Variants in HPGDS observed in about 807,000 individuals in gnomAD.
HPGDS encodes hematopoietic prostaglandin D synthase, also known as GST class-sigma.
A neutral mutation model predicts 23.1 loss-of-function variants in HPGDS; 26 were observed. That is an observed-to-expected ratio of 1.13 (90% CI 0.83 to 1.56). The LOEUF is 1.56. Ranked by LOEUF, HPGDS falls within the 40% of genes most tolerant of loss-of-function variation. The probability of loss-of-function intolerance (pLI) is 0.00; values close to 1 mark genes in which losing one functional copy is unlikely to be tolerated. For missense variants in HPGDS, 268 were observed against 236.4 expected (o/e 1.13, Z -0.88); for synonymous variants, 95 against 77.9 (o/e 1.22, Z -1.16).
At chr4:94,316,310 C>G (rs1019190730) in intron 3 of HPGDS, among the ~76,000 whole-genome samples, 2 of 152,240 alleles carry the variant, frequency 1.3e-5, no homozygotes, top group South Asian at 4.2e-4. Flanking sequence ...TATGCTGTTC[C>G]TCTCCTGGTT....
intron 2 of HPGDS, among the ~76,000 whole-genome samples, chr4:94,319,437 C>T (rs1422404124): frequency 1.3e-5 from 2 of 152,160 alleles, no homozygotes; most frequent in African/African-American, 4.8e-5. Context: ...TTGTAGGCAG[C>T]AGATAGTTGG....
chr4:94,319,132 G>A (rs1350469683), intron 2 of HPGDS, among the ~76,000 whole-genome samples: 1 of 152,168 alleles, frequency 6.6e-6, no homozygotes, highest in African/African-American at 2.4e-5. Flanking sequence ...ACAGGGAAGT[G>A]TTGACATCTC....
chr4:94,334,106 C>A, intron 2 of HPGDS: 1 of 157,032 alleles, frequency 6.4e-6, no homozygotes, highest in Non-Finnish European at 1.4e-5. Flanking sequence ...ATAGCTTGAG[C>A]CTGGTATTAA....
chr4:94,340,876 G>T (rs1264128525), intron 1 of HPGDS, among the ~76,000 whole-genome samples: 21 of 88,246 alleles, frequency 2.4e-4, no homozygotes, highest in Admixed American at 2.3e-3. Context: ...ACGGAGTCTT[G>T]CTCTGTCGCC....
chr4:94,335,422 G>T (rs1452140707), intron 1 of HPGDS, among the ~76,000 whole-genome samples: 1 of 152,084 alleles, frequency 6.6e-6, no homozygotes, highest in Non-Finnish European at 1.5e-5. Context: ...CATTTTCATT[G>T]TTTATAAATG....
chr4:94,302,349 G>T, intron 4 of HPGDS, 105 bp from the exon 5 acceptor site: 1 of 743,788 alleles, frequency 1.3e-6, no homozygotes, highest in Non-Finnish European at 2.3e-6. Flanking sequence ...ATGAATTCAA[G>T]AAGAAAGAGA....
intron 2 of HPGDS, 97 bp from the exon 3 acceptor site, chr4:94,318,062 T>C: frequency 2.9e-6 from 2 of 687,902 alleles, no homozygotes; most frequent in Non-Finnish European, 5.0e-6. Context: ...AGCATGATTT[T>C]ATGGAATCAT....
At position 94,298,756 on chromosome 4, in the gene HPGDS, A is replaced by G. The variant is rs1184946577; in HGVS notation, c.*724T>C. On this transcript the variant is annotated 3_prime_UTR_variant, in exon 6 of 6. Coordinates refer to ENST00000295256, the MANE Select transcript of HPGDS (RefSeq NM_014485.3). ...CATCTTTACAAGTTTCTCTGGCTGC[A>G]TATCTAGAGCCTTTTGAGCCGTGTC... is the stretch of plus-strand genomic sequence containing the variant. The G allele has an allele frequency of 6.6e-6, 1 of 152,154 alleles. No individual in the cohort carries two copies. The highest frequency in any genetic ancestry group is 2.4e-5 in the African/African-American group (1 of 41,426). The allele number at this position is 152,154 out of a possible 1,614,324, so 9.4% of individuals were successfully genotyped here.
At chr4:94,330,878 T>C (rs997498778) in intron 2 of HPGDS, among the ~76,000 whole-genome samples, 1 of 152,208 alleles carries the variant, frequency 6.6e-6, no homozygotes, top group African/African-American at 2.4e-5. Context: ...TTAAAGGAGT[T>C]TAACTGAGCA....
At chr4:94,313,020 C>T (rs1344048527) in intron 3 of HPGDS, among the ~76,000 whole-genome samples, 1 of 152,030 alleles carries the variant, frequency 6.6e-6, no homozygotes, top group Non-Finnish European at 1.5e-5. Flanking sequence ...TTATTTTGAG[C>T]CTATGTGTGT....
At chr4:94,340,233 G>C (rs965709498) in intron 1 of HPGDS, among the ~76,000 whole-genome samples, 11 of 145,998 alleles carry the variant, frequency 7.5e-5, no homozygotes, top group African/African-American at 1.0e-4. Context: ...TGGGATTACA[G>C]GTGTGAGCCA....
chr4:94,339,975 G>A (rs1721105323), intron 1 of HPGDS, among the ~76,000 whole-genome samples: 1 of 152,078 alleles, frequency 6.6e-6, no homozygotes, highest in Admixed American at 6.6e-5. Flanking sequence ...CTATGATGGT[G>A]AGGTCTCCCC....
chr4:94,320,408 C>T (rs367980904), intron 2 of HPGDS, among the ~76,000 whole-genome samples: 1,923 of 152,134 alleles, frequency 0.013, 37 homozygotes, highest in African/African-American at 0.04. Context: ...TTTCTCCACA[C>T]CCTCTCCAGC....
At chr4:94,323,137 G>C (rs1203096302) in intron 2 of HPGDS, among the ~76,000 whole-genome samples, 1 of 152,082 alleles carries the variant, frequency 6.6e-6, no homozygotes, top group Non-Finnish European at 1.5e-5. Flanking sequence ...ACAGTTTGTT[G>C]TGATTTCTGT....
chr4:94,311,914 GT>G (rs1756281895), intron 3 of HPGDS, among the ~76,000 whole-genome samples: 1 of 151,660 alleles, frequency 6.6e-6, no homozygotes, highest in Non-Finnish European at 1.5e-5. Flanking sequence ...AGATTTTCTA[GT>G]TTATTTGTGT....
chr4:94,320,506 T>C (rs1277994997), intron 2 of HPGDS, among the ~76,000 whole-genome samples: 1 of 152,246 alleles, frequency 6.6e-6, no homozygotes, highest in Non-Finnish European at 1.5e-5. Context: ...ATTTCTGTGA[T>C]GACCAGTGAT....
chr4:94,303,974 A>G (rs1425302656), intron 4 of HPGDS: 1 of 152,156 alleles, frequency 6.6e-6, no homozygotes, highest in Non-Finnish European at 1.5e-5. Flanking sequence ...GTTTCATTTT[A>G]AAGTACAATC....
chr4:94,328,135 C>T (rs11097413), intron 2 of HPGDS, among the ~76,000 whole-genome samples: 67,802 of 152,136 alleles, frequency 0.45, 15,237 homozygotes, highest in African/African-American at 0.5. Flanking sequence ...TCTCTCTTAC[C>T]TTTTCCCCAC....
intron 3 of HPGDS, among the ~76,000 whole-genome samples, chr4:94,311,401 G>GT (rs530082177): frequency 7.6e-4 from 115 of 151,340 alleles, no homozygotes; most frequent in Middle Eastern, 3.4e-3. Context: ...TAATCATGTG[G>GT]TTTTTTGTCA....
Sources: gnomAD v4.1 joint callset for allele counts (sites outside exome capture counted in the v4.1 genomes callset) on GRCh38, gnomAD v4.1.1 for gene constraint, MANE v1.5 for transcripts, NCBI Gene and HGNC (gene_info 2026-07-23, HGNC 2026-07-21) for gene names.